Variants in VAV2 observed in about 807,000 individuals in gnomAD.
VAV2 encodes guanine nucleotide exchange factor VAV2.
A neutral mutation model predicts 132.5 loss-of-function variants in VAV2; 67 were observed. The ratio of observed to expected loss-of-function variants is 0.51; its 90% confidence interval spans 0.42 to 0.62. The LOEUF (loss-of-function observed/expected upper bound fraction) is 0.62, where lower values mean the gene tolerates loss of function less well. Among genes scored for constraint, VAV2 ranks in the 20% least tolerant of loss-of-function variants. The probability of loss-of-function intolerance (pLI) is 0.00; values close to 1 mark genes in which losing one functional copy is unlikely to be tolerated. For synonymous variants in VAV2, 492 were observed against 443.5 expected, an observed-to-expected ratio of 1.11 and a Z score of -1.37; for missense variants, 938 against 1,153.6, an observed-to-expected ratio of 0.81 and a Z score of 2.71.
At chr9:133,816,417 A>C (rs531079494) in intron 4 of VAV2, among the ~76,000 whole-genome samples, 3 of 152,348 alleles carry the variant, frequency 2.0e-5, no homozygotes, top group African/African-American at 7.2e-5. Context: ...CTGTCTTTCA[A>C]TCACAATATA....
intron 1 of VAV2, among the ~76,000 whole-genome samples, chr9:133,990,946 C>A (rs549601370): frequency 6.6e-6 from 1 of 152,160 alleles, no homozygotes; most frequent in Admixed American, 6.5e-5. Flanking sequence ...CCCCCCAACC[C>A]GGCAGAGAAA....
intron 1 of VAV2, among the ~76,000 whole-genome samples, chr9:133,946,672 G>C (rs1324417466): frequency 6.6e-6 from 1 of 152,238 alleles, no homozygotes. Flanking sequence ...GCGTCGTGCT[G>C]ATCAGAAGCT....
chr9:133,867,167 G>A (rs933477386), intron 2 of VAV2, among the ~76,000 whole-genome samples: 2 of 151,866 alleles, frequency 1.3e-5, no homozygotes, highest in Non-Finnish European at 2.9e-5. Flanking sequence ...CTGCAGAGCC[G>A]GGGCAGGCGT....
chr9:133,779,863 C>A, intron 21 of VAV2, 55 bp downstream of exon 21: 2 of 1,597,464 alleles, frequency 1.3e-6, no homozygotes, highest in Non-Finnish European at 1.7e-6. Flanking sequence ...TGGCTCAGCT[C>A]CCAGGTGATG....
intron 2 of VAV2, among the ~76,000 whole-genome samples, chr9:133,937,298 GTGT>G (rs1489619131): frequency 6.6e-6 from 1 of 152,082 alleles, no homozygotes; most frequent in Admixed American, 6.6e-5. Context: ...GAATGTGTGT[GTGT>G]TAAGTTGTGC....
chr9:133,891,909 C>T (rs1489803908), intron 2 of VAV2, among the ~76,000 whole-genome samples: 1 of 98,974 alleles, frequency 1.0e-5, no homozygotes, highest in African/African-American at 4.2e-5. Flanking sequence ...GGATAGAGGG[C>T]GTGGAGTGAG....
chr9:133,855,187 C>A (rs949794620), intron 3 of VAV2, among the ~76,000 whole-genome samples: 1 of 152,232 alleles, frequency 6.6e-6, no homozygotes, highest in Non-Finnish European at 1.5e-5. Context: ...GGCCGGGACT[C>A]GTGGGGCAGG....
Position 133,763,726 on chromosome 9 carries a change from T to A in VAV2, c.*336A>T, listed in dbSNP as rs1833340170. The A allele has an allele frequency of 5.9e-6, 2 of 340,812 alleles. No homozygotes were observed. The highest frequency in any genetic ancestry group is 3.4e-5 in the South Asian group (1 of 29,332). 21.1% of individuals were successfully genotyped at this position (340,812 alleles called of 1,614,324 possible). A position where few individuals can be genotyped will look rare whatever the true frequency, so the allele number is the denominator to read the frequency against. On this transcript the variant is annotated 3_prime_UTR_variant, in exon 30 of 30. Transcript: ENST00000371850. This position sits in a 1 kb window ranked among gnomAD's most constrained non-coding sequence, Gnocchi z 6.8. ...TTCAAACCTAGGCTCCTGAAGGCCA[T>A]CTCAGTTGGACAGGGGCAGGCGATG...
chr9:133,811,577 C>A (rs151243500), intron 5 of VAV2, among the ~76,000 whole-genome samples: 11 of 152,240 alleles, frequency 7.2e-5, no homozygotes, highest in Non-Finnish European at 1.5e-4. Context: ...AATAAACCCA[C>A]GCGGAGCAAA....
intron 1 of VAV2, among the ~76,000 whole-genome samples, chr9:133,990,986 G>T (rs1842997279): frequency 6.6e-6 from 1 of 152,176 alleles, no homozygotes; most frequent in African/African-American, 2.4e-5. Context: ...CGCAGTCACC[G>T]CCAAAGGGCA....
chr9:133,888,514 G>A (rs1160515675), intron 2 of VAV2, among the ~76,000 whole-genome samples: 2 of 152,178 alleles, frequency 1.3e-5, no homozygotes, highest in African/African-American at 4.8e-5. Context: ...TACACCACCG[G>A]CCCTGGGTCA....
intron 4 of VAV2, among the ~76,000 whole-genome samples, chr9:133,816,263 T>C (rs1038000305): frequency 1.3e-5 from 2 of 152,224 alleles, no homozygotes; most frequent in Non-Finnish European, 2.9e-5. Context: ...TCCCCCAGTC[T>C]CTAGCTTGGC....
At chr9:133,813,111 A>G (rs1467895392) in intron 4 of VAV2, among the ~76,000 whole-genome samples, 1 of 152,214 alleles carries the variant, frequency 6.6e-6, no homozygotes, top group East Asian at 1.9e-4. Context: ...CTGTTCCCAC[A>G]GGCCCCGTTG....
intron 29 of VAV2, among the ~76,000 whole-genome samples, chr9:133,766,311 C>A (rs933737442): frequency 1.3e-5 from 2 of 152,210 alleles, no homozygotes; most frequent in Non-Finnish European, 2.9e-5. Context: ...TCTTTCTCCA[C>A]ATCCTCTCCA....
intron 2 of VAV2, among the ~76,000 whole-genome samples, chr9:133,922,638 C>G (rs1027203229): frequency 6.6e-6 from 1 of 152,202 alleles, no homozygotes; most frequent in African/African-American, 2.4e-5. Context: ...GAAAACTGGA[C>G]AGCTATATGT....
chr9:133,894,204 G>T lies in VAV2; in HGVS notation c.322-32772C>A, dbSNP rs189946745. Among the ~76,000 whole-genome samples the T allele has an allele frequency of 2.0e-5, 3 of 152,344 alleles. No individual in the cohort carries two copies. The East Asian group carries it at 5.8e-4, about 29-fold the overall frequency. On this transcript the variant is annotated intron_variant, in intron 2 of 29. Transcript: ENST00000371850. ...TAAAGTGCACTGTGAGGGATCCAGG[G>T]ACCGTGGACACACAGGGTTCCACCC...
chr9:133,788,623 G>T lies in VAV2; in HGVS notation c.1275-137C>A. 8.0e-7 allele frequency: 1 copy of T among 1,256,858 alleles called. No homozygotes were observed. Among genetic ancestry groups the T allele is most frequent in the Non-Finnish European group, 1.1e-6 (1 of 922,864 alleles). The allele number at this position is 1,256,858 out of a possible 1,614,324, so 77.9% of individuals were successfully genotyped here. On this transcript the variant is annotated intron_variant, in intron 14 of 29. Transcript: ENST00000371850. The surrounding 1 kb of genome is among the most constrained non-coding windows in gnomAD (Gnocchi z 5.3). ...AGCCCTGCCCTCACCTGGCTCACCA[G>T]GCTAATGCTGAGCCTCGGTCAGGTC...
intron 1 of VAV2, among the ~76,000 whole-genome samples, chr9:133,966,447 T>G (rs1166177009): frequency 2.6e-5 from 4 of 152,240 alleles, no homozygotes; most frequent in South Asian, 4.1e-4. Flanking sequence ...GGCTCATGCC[T>G]ATAATCCCAA....
intron 1 of VAV2, among the ~76,000 whole-genome samples, chr9:133,963,320 C>T (rs1055364305): frequency 1.2e-4 from 18 of 152,132 alleles, no homozygotes; most frequent in Middle Eastern, 3.2e-3. Context: ...ACCCAGGAAA[C>T]GCCACTGACC....
Sources: gnomAD v4.1 joint callset for allele counts (sites outside exome capture counted in the v4.1 genomes callset) on GRCh38, gnomAD v4.1.1 for gene constraint, Gnocchi (gnomAD v3.1) non-coding constraint, MANE v1.5 for transcripts, NCBI Gene and HGNC (gene_info 2026-07-23, HGNC 2026-07-21) for gene names.